Variants in CNTNAP2 observed in about 807,000 individuals in gnomAD.
CNTNAP2 encodes contactin associated protein 2, also known as contactin-associated protein-like 2.
A neutral mutation model predicts 155.2 loss-of-function variants in CNTNAP2; 98 were observed. The ratio of observed to expected loss-of-function variants is 0.63; its 90% CI spans 0.54 to 0.75. The LOEUF (loss-of-function observed/expected upper bound fraction) is 0.75, where lower values mean the gene tolerates loss of function less well. Among genes scored for constraint, CNTNAP2 ranks in the 30% least tolerant of loss-of-function variants. The pLI is 0.00. For synonymous variants in CNTNAP2, 651 were observed against 631.2 expected, an observed-to-expected ratio of 1.03 and a Z score of -0.47; for missense variants, 1,727 against 1,688.1, an observed-to-expected ratio of 1.02 and a Z score of -0.40.
chr7:146,738,142 A>G (rs1801652199), intron 1 of CNTNAP2, among the ~76,000 whole-genome samples: 1 of 152,012 alleles, frequency 6.6e-6, no homozygotes, highest in African/African-American at 2.4e-5. Flanking sequence ...AATAGTGTGC[A>G]TGGGTTCTTT....
chr7:148,250,364 T>A (rs1225411121), intron 20 of CNTNAP2, among the ~76,000 whole-genome samples: 1 of 152,210 alleles, frequency 6.6e-6, no homozygotes, highest in Non-Finnish European at 1.5e-5. Flanking sequence ...TGTCTCTCTA[T>A]ACTAGGAAGG....
At chr7:147,785,369 A>G (rs759176) in intron 13 of CNTNAP2, among the ~76,000 whole-genome samples, 23,300 of 152,066 alleles carry the variant, frequency 0.15, 3,128 homozygotes, top group African/African-American at 0.35. Context: ...TGTTGCTGAG[A>G]GGCCCAATAA....
At chr7:147,752,725 A>C (rs1338458074) in intron 13 of CNTNAP2, among the ~76,000 whole-genome samples, 3 of 152,212 alleles carry the variant, frequency 2.0e-5, no homozygotes, top group Non-Finnish European at 4.4e-5. Context: ...TCATAGCGTC[A>C]TGAGCCATGC....
At position 148,211,311 on chromosome 7, in the gene CNTNAP2, C is replaced by T. The variant is rs550442467; in HGVS notation, c.3011-5977C>T. Among the ~76,000 whole-genome samples the T allele has an allele frequency of 5.3e-5, 8 of 152,266 alleles. 1 individual carries two copies. The South Asian group carries it at 1.5e-3, about 28-fold the overall frequency. ...GGATATCTGGGAAGAGGTAGGAGAG[C>T]GCATTGGGCGACAGAAAGGAGTAAG... On this transcript the variant is annotated intron_variant, in intron 18 of 23. Coordinates refer to ENST00000361727, the MANE Select transcript of CNTNAP2 (RefSeq NM_014141.6).
chr7:147,422,007 T>C (rs1318977813), intron 10 of CNTNAP2, among the ~76,000 whole-genome samples: 1 of 151,614 alleles, frequency 6.6e-6, no homozygotes, highest in African/African-American at 2.4e-5. Context: ...CAATTAAATC[T>C]CTTTTCTGAA....
At chr7:148,200,124 C>A (rs2116729998) in intron 18 of CNTNAP2, among the ~76,000 whole-genome samples, 1 of 152,338 alleles carries the variant, frequency 6.6e-6, no homozygotes, top group East Asian at 1.9e-4. Flanking sequence ...AGATGCTAAT[C>A]TCCTCCAGGA....
chr7:147,293,116 G>A (rs902129513), intron 8 of CNTNAP2, among the ~76,000 whole-genome samples: 3 of 152,086 alleles, frequency 2.0e-5, no homozygotes, highest in Non-Finnish European at 4.4e-5. Context: ...CATGACATAC[G>A]ATCTCCCCAA....
intron 3 of CNTNAP2, among the ~76,000 whole-genome samples, chr7:146,847,215 C>G (rs918001152): frequency 2.6e-5 from 4 of 152,118 alleles, no homozygotes. Flanking sequence ...CTACTCTGCT[C>G]AAGTGGTAAC....
At chr7:147,099,973 T>C (rs953142853) in intron 4 of CNTNAP2, among the ~76,000 whole-genome samples, 1 of 152,250 alleles carries the variant, frequency 6.6e-6, no homozygotes, top group Non-Finnish European at 1.5e-5. Flanking sequence ...ATAGATTATA[T>C]GCTAATTTTC....
chr7:146,506,528 A>C (rs1346839426), intron 1 of CNTNAP2, among the ~76,000 whole-genome samples: 1 of 152,232 alleles, frequency 6.6e-6, no homozygotes, highest in Non-Finnish European at 1.5e-5. Flanking sequence ...CATTTGCCTC[A>C]TCATTGCCCA....
At chr7:148,365,788 A>G (rs35121719) in intron 21 of CNTNAP2, among the ~76,000 whole-genome samples, 25,975 of 54,786 alleles carry the variant, frequency 0.47, 11,203 homozygotes, top group East Asian at 0.71. Context: ...ATGTGTATGC[A>G]TGTATACATG....
At chr7:146,271,203 G>A (rs756135224) in intron 1 of CNTNAP2, among the ~76,000 whole-genome samples, 5 of 151,846 alleles carry the variant, frequency 3.3e-5, no homozygotes, top group Non-Finnish European at 5.9e-5. Flanking sequence ...TAGTCATCAA[G>A]ACCAAATTTA....
intron 3 of CNTNAP2, among the ~76,000 whole-genome samples, chr7:146,970,033 T>C (rs1287173571): frequency 6.6e-6 from 1 of 152,130 alleles, no homozygotes; most frequent in African/African-American, 2.4e-5. Flanking sequence ...CTGGATCCCT[T>C]CCTTACACCT....
chr7:147,105,030 C>T (rs1406465206), intron 4 of CNTNAP2, among the ~76,000 whole-genome samples: 2 of 150,628 alleles, frequency 1.3e-5, no homozygotes, highest in African/African-American at 2.4e-5. Flanking sequence ...GGTTGGGATT[C>T]ACTCTCTACT....
intron 13 of CNTNAP2, among the ~76,000 whole-genome samples, chr7:147,734,993 T>C (rs1483173110): frequency 6.6e-6 from 1 of 151,882 alleles, no homozygotes; most frequent in Non-Finnish European, 1.5e-5. Flanking sequence ...ATTTTTTTTT[T>C]TGAAGGGTTT....
At chr7:146,491,390 A>G (rs1416727644) in intron 1 of CNTNAP2, among the ~76,000 whole-genome samples, 1 of 152,156 alleles carries the variant, frequency 6.6e-6, no homozygotes, top group Non-Finnish European at 1.5e-5. Flanking sequence ...AAAAAACAAC[A>G]TGATCCCAAA....
chr7:146,575,297 A>T (rs1476420548), intron 1 of CNTNAP2, among the ~76,000 whole-genome samples: 2 of 152,064 alleles, frequency 1.3e-5, no homozygotes, highest in African/African-American at 4.8e-5. Flanking sequence ...TTGTATTCTT[A>T]GTAGAGACAG....
chr7:146,890,774 G>T (rs902087819), intron 3 of CNTNAP2, among the ~76,000 whole-genome samples: 1 of 152,146 alleles, frequency 6.6e-6, no homozygotes, highest in Non-Finnish European at 1.5e-5. Context: ...TTTCCAACAT[G>T]AGTGAACCAG....
chr7:147,469,612 G>A lies in CNTNAP2; in HGVS notation c.1671-16323G>A, dbSNP rs533800205. 6.1e-5 allele frequency among the ~76,000 whole-genome samples: 9 copies of A among 147,184 alleles called. No individual in the cohort carries two copies. In the East Asian group the frequency reaches 8.2e-4, roughly 13 times the overall value. ...CGGCTCACTGCAAGCTCCGCCTCCC[G>A]GGTTCAAGCGATTCTCCTGCCTCAG... is the stretch of plus-strand genomic sequence containing the variant. On this transcript the variant is annotated intron_variant, in intron 10 of 23. Transcript: ENST00000361727.
Sources: gnomAD v4.1 joint callset for allele counts (sites outside exome capture counted in the v4.1 genomes callset) on GRCh38, gnomAD v4.1.1 for gene constraint, MANE v1.5 for transcripts, NCBI Gene and HGNC (gene_info 2026-07-23, HGNC 2026-07-21) for gene names.